The following UPB1 variants were observed in gnomAD, a reference collection of about 807,000 sequenced individuals.
UPB1 encodes beta-ureidopropionase.
In UPB1, 40 loss-of-function variants were observed where a neutral mutation model predicts 49.1. The observed-to-expected ratio is 0.81, with a 90% CI of 0.63 to 1.06. UPB1 has a LOEUF of 1.06. Among genes scored for constraint, UPB1 ranks in the 50% least tolerant of loss-of-function variants. The pLI is 0.00. For missense variants in UPB1, 499 were observed against 505.9 expected, an observed-to-expected ratio of 0.99 and a Z score of 0.13; for synonymous variants, 207 against 198.2, an observed-to-expected ratio of 1.04 and a Z score of -0.38.
At chr22:24,505,912 CA>C (rs1347918212) in intron 3 of UPB1, among the ~76,000 whole-genome samples, 2 of 151,806 alleles carry the variant, frequency 1.3e-5, no homozygotes, top group African/African-American at 4.8e-5. Flanking sequence ...GGGGTTTTGC[CA>C]TGTTGGCCAG....
Position 24,521,979 on chromosome 22 carries a change from T to C in UPB1, c.874-7T>C, listed in dbSNP as rs1330348785. ...TAGGTTCCTCTTACCTTGGTCTTAT[T>C]TCACAGGAGCACTTCCCGAACGAGT... On this transcript the variant is annotated splice_region_variant and splice_polypyrimidine_tract_variant and intron_variant, in intron 7 of 9. Coordinates refer to ENST00000326010, the MANE Select transcript of UPB1 (RefSeq NM_016327.3). 14 of 1,614,122 alleles carry C rather than the reference T, an allele frequency of 8.7e-6. No individual in the cohort carries two copies. Among genetic ancestry groups the C allele is most frequent in the Non-Finnish European group, 1.1e-5 (13 of 1,179,984 alleles).
chr22:24,497,131 T>C (rs750928877), intron 1 of UPB1, among the ~76,000 whole-genome samples: 7 of 152,130 alleles, frequency 4.6e-5, no homozygotes, highest in Non-Finnish European at 8.8e-5. Context: ...TAGGTACTAG[T>C]GGAGAAAGAT....
chr22:24,501,531 C>T (rs537133365), intron 2 of UPB1, among the ~76,000 whole-genome samples: 1 of 152,308 alleles, frequency 6.6e-6, no homozygotes, highest in East Asian at 1.9e-4. Context: ...ACACTTGGCC[C>T]ATAGCTGTGA....
rs1224383722 is a variant in UPB1, at chr22:24,521,995, CCGAA to C, written c.887_890del (p.Asn296SerfsTer42). On this transcript the variant is annotated frameshift_variant, in exon 8 of 10. Coordinates refer to ENST00000326010, the MANE Select transcript of UPB1 (RefSeq NM_016327.3). LOFTEE classifies it high-confidence loss of function. ...TGGTCTTATTTCACAGGAGCACTTCCCGAACGAGTTTACCTCGGGAGATGGAAAG... is the reference window on the plus strand; with the variant it reads ...TGGTCTTATTTCACAGGAGCACTTCCCGAGTTTACCTCGGGAGATGGAAAG... 1.2e-6 allele frequency: 2 copies of C among 1,614,024 alleles called. No individual in the cohort carries two copies. The highest frequency in any genetic ancestry group is 1.7e-6 in the Non-Finnish European group (2 of 1,180,022).
rs766148534 is a variant in UPB1 at position 24,500,205 on chromosome 22, G to A, written c.203G>A (p.Arg68Gln). 1.9e-5 allele frequency: 31 copies of A among 1,614,084 alleles called. No individual in the cohort carries two copies. The East Asian group carries it at 2.0e-4, about 10-fold the overall frequency. ...GAAGCAGCGGAGGAGCAGCTGAGACGACCCCGCATTGTGCACGTGGGGCTG... is the reference window on the plus strand; with the variant it reads ...GAAGCAGCGGAGGAGCAGCTGAGACAACCCCGCATTGTGCACGTGGGGCTG... ...AFEAAEEQLR[R>Q]PRIVHVGLVQ... The change falls in exon 2 of 10, where the codon CGA (arginine) becomes CAA (glutamine). Residue 68 changes from arginine (R) to glutamine (Q), a missense_variant. By Grantham distance (43) the Arg-to-Gln change is conservative. Transcript: ENST00000326010.
At chr22:24,512,991 G>A (rs191198791) in intron 4 of UPB1, among the ~76,000 whole-genome samples, 277 of 152,286 alleles carry the variant, frequency 1.8e-3, no homozygotes, top group Admixed American at 3.3e-3. Context: ...ATGAATATGC[G>A]TTTGCAAATC....
At chr22:24,520,262 C>G in intron 6 of UPB1, 125 bp from the exon 7 acceptor site, 1 of 1,102,914 alleles carries the variant, frequency 9.1e-7, no homozygotes, top group South Asian at 1.3e-5. Context: ...AGCCTGCAGC[C>G]AGGCCAGGCT....
chr22:24,514,807 G>A (rs965060687), intron 5 of UPB1, among the ~76,000 whole-genome samples: 14 of 152,240 alleles, frequency 9.2e-5, no homozygotes, highest in African/African-American at 3.1e-4. Flanking sequence ...CCAGGTCTCC[G>A]GGCTCCACCG....
chr22:24,522,683 G>C (rs1435011402), intron 8 of UPB1, among the ~76,000 whole-genome samples: 1 of 151,528 alleles, frequency 6.6e-6, no homozygotes, highest in Non-Finnish European at 1.5e-5. Flanking sequence ...TGTAATCCCA[G>C]TACTTTGGGA....
At position 24,520,473 on chromosome 22, in the gene UPB1, G is replaced by C. The variant is rs757667014; in HGVS notation, c.873+5G>C. ...GCCATCAATCGAGTGGGCACCGTAA[G>C]TCCCGAGGTCTGGCTGGGGAGAGGA... On this transcript the variant is annotated splice_donor_5th_base_variant and intron_variant, in intron 7 of 9. Transcript: ENST00000326010. 33 of 1,613,692 alleles carry C rather than the reference G, an allele frequency of 2.0e-5. 3 individuals carry two copies. The South Asian group carries it at 3.2e-4, about 16-fold the overall frequency.
At position 24,525,790 on chromosome 22, in the gene UPB1, A is replaced by G; in HGVS notation, c.1151A>G (p.Glu384Gly). Residue 384 changes from glutamate to glycine, a missense_variant, in exon 10 of 10, where the codon GAG becomes GGG. Transcript: ENST00000326010. Reference sequence around the variant, plus strand: ...AACTACAGCCCCACCATCGTGAAAGAGTAGCCGGCTTCAGTGCCTGCCTTG... The same window carrying G: ...AACTACAGCCCCACCATCGTGAAAGGGTAGCCGGCTTCAGTGCCTGCCTTG... ...KSNYSPTIVKE is the reference protein window; with the variant it reads ...KSNYSPTIVKG The G allele has an allele frequency of 2.5e-6, 4 of 1,614,214 alleles. No homozygotes were observed. The highest frequency in any genetic ancestry group is 3.4e-6 in the Non-Finnish European group (4 of 1,180,024).
rs149927160 is a variant in UPB1 at position 24,496,303 on chromosome 22, C to T, written c.104+796C>T. On this transcript the variant is annotated intron_variant, in intron 1 of 9. Transcript: ENST00000326010. ...GGAGGATCACTTGAGCTTGGGAGGT[C>T]GAGGCTGCAGTGAGCCAAAATCTCT... Among the ~76,000 whole-genome samples, 397 of 151,622 alleles carry T rather than the reference C, an allele frequency of 2.6e-3. 2 individuals carry two copies. Among genetic ancestry groups the T allele is most frequent in the Middle Eastern group, 0.01 (3 of 294 alleles).
In UPB1 at chr22:24,495,364, G is replaced by A. The variant is rs1183457118; in HGVS notation, c.-40G>A. 1 of 1,606,036 alleles carries A rather than the reference G, an allele frequency of 6.2e-7. No individual in the cohort carries two copies. The highest frequency in any genetic ancestry group is 1.3e-5 in the African/African-American group (1 of 74,878). On this transcript the variant is annotated 5_prime_UTR_variant, in exon 1 of 10. Transcript: ENST00000326010. ...TCCTCCCACTGCGGGCAAAGGGCAG[G>A]CAGTTCGTGCGCGGACACAAGCACT...
At chr22:24,507,207 A>G (rs1816690851) in intron 3 of UPB1, among the ~76,000 whole-genome samples, 1 of 152,230 alleles carries the variant, frequency 6.6e-6, no homozygotes, top group Non-Finnish European at 1.5e-5. Flanking sequence ...GAAAGCTGAG[A>G]ATTAATGGTC....
chr22:24,524,944 G>A (rs950338451), intron 9 of UPB1, among the ~76,000 whole-genome samples: 6 of 152,040 alleles, frequency 3.9e-5, no homozygotes, highest in Non-Finnish European at 7.4e-5. Context: ...CCTCAGTCTC[G>A]GATCCTTGTC....
intron 5 of UPB1, 100 bp downstream of exon 5, chr22:24,513,585 C>G: frequency 6.7e-7 from 1 of 1,491,532 alleles, no homozygotes; most frequent in Non-Finnish European, 9.1e-7. Context: ...TGTGCAGGAT[C>G]ATACTCCATG....
chr22:24,515,427 A>G lies in UPB1; in HGVS notation c.791+57A>G, dbSNP rs2044278932. 1.9e-6 allele frequency: 3 copies of G among 1,611,114 alleles called. No homozygotes were observed. In the South Asian group the frequency reaches 3.3e-5, roughly 18 times the overall value. On this transcript the variant is annotated intron_variant, in intron 6 of 9. Transcript: ENST00000326010. ...CTGGGGCCCAGCCAGCTAAAGCCCA[A>G]GGCTGGGCTGTGGAGCTCCAAGGTG... is the stretch of plus-strand genomic sequence containing the variant.
intron 5 of UPB1, among the ~76,000 whole-genome samples, chr22:24,513,894 T>C (rs2044248996): frequency 6.6e-6 from 1 of 152,218 alleles, no homozygotes. Flanking sequence ...GTTTGGAGCA[T>C]GGCATTCCTT....
intron 3 of UPB1, among the ~76,000 whole-genome samples, chr22:24,505,014 T>C (rs1365404691): frequency 6.7e-6 from 1 of 150,148 alleles, no homozygotes; most frequent in Non-Finnish European, 1.5e-5. Flanking sequence ...ATGCTGCAAC[T>C]ATAGGCGTGA....
Sources: gnomAD v4.1 joint callset for allele counts (sites outside exome capture counted in the v4.1 genomes callset) on GRCh38, gnomAD v4.1.1 for gene constraint, MANE v1.5 for transcripts, NCBI Gene and HGNC (gene_info 2026-07-23, HGNC 2026-07-21) for gene names.